Variants in ZC3HAV1 observed in about 807,000 individuals in gnomAD.
ZC3HAV1 encodes the protein zinc finger CCCH-type antiviral protein 1.
In ZC3HAV1, 41 loss-of-function variants were observed where a neutral mutation model predicts 86.6. The observed-to-expected ratio is 0.47, with a 90% CI of 0.37 to 0.61. The LOEUF is 0.61. Among genes scored for constraint, ZC3HAV1 ranks in the 20% least tolerant of loss-of-function variants. ZC3HAV1 has a pLI of 0.00. For missense variants in ZC3HAV1, 964 were observed against 1,141.1 expected, an observed-to-expected ratio of 0.84 and a Z score of 2.24; for synonymous variants, 421 against 432.1, an observed-to-expected ratio of 0.97 and a Z score of 0.32.
intron 3 of ZC3HAV1, among the ~76,000 whole-genome samples, chr7:139,081,913 C>A (rs1817137404): frequency 6.6e-6 from 1 of 152,200 alleles, no homozygotes; most frequent in Non-Finnish European, 1.5e-5. Context: ...TTTCCTACAT[C>A]CACTTCATAA....
In ZC3HAV1 at chr7:139,052,111, TCTTTTTTTC is replaced by T. The variant is rs1353985516; in HGVS notation, c.2449+1331_2449+1339del. On this transcript the variant is annotated intron_variant, in intron 12 of 12. Transcript: ENST00000242351. The stretch of plus-strand genomic sequence containing the variant: ...AAACATTTACATTCATAAATATTTC[TCTTTTTTTC>T]TTTTTTTTTCATTTTATTGTTATTT... Among the ~76,000 whole-genome samples, 6 of 152,120 alleles carry T rather than the reference TCTTTTTTTC, an allele frequency of 3.9e-5. No individual in the cohort carries two copies. In the South Asian group the frequency reaches 1.2e-3, roughly 32 times the overall value.
chr7:139,048,996 C>CATATAATCTA (rs768040763), intron 12 of ZC3HAV1, among the ~76,000 whole-genome samples: 71,792 of 152,084 alleles, frequency 0.47, 17,170 homozygotes, highest in Non-Finnish European at 0.5. Context: ...CATATATGTG[C>CATATAATCTA]ATATGGTGGT....
At chr7:139,076,442 T>C (rs1244530471) in intron 5 of ZC3HAV1, 33 bp from the exon 6 acceptor site, 4 of 1,612,338 alleles carry the variant, frequency 2.5e-6, no homozygotes, top group Admixed American at 1.7e-5. Context: ...TGAGGGACTG[T>C]TGAGCAGGGA....
At chr7:139,057,541 T>TAAAGAAGAAGGTGACTCA (rs1816321288) in intron 9 of ZC3HAV1, among the ~76,000 whole-genome samples, 1,950 of 24,486 alleles carry the variant, frequency 0.08, 334 homozygotes, top group East Asian at 0.13. Context: ...CATTTTTTTT[T>TAAAGAAGAAGGTGACTCA]TTTTTTTTTT....
chr7:139,098,592 G>A (rs761898107), intron 1 of ZC3HAV1, among the ~76,000 whole-genome samples: 5 of 152,092 alleles, frequency 3.3e-5, no homozygotes, highest in South Asian at 2.1e-4. Flanking sequence ...GCTTGAGCTC[G>A]GGAGTTTTAG....
intron 9 of ZC3HAV1, 145 bp downstream of exon 9, chr7:139,060,891 C>G (rs746073329): frequency 6.4e-7 from 1 of 1,569,710 alleles, no homozygotes; most frequent in East Asian, 2.3e-5. Context: ...GCATCTTACT[C>G]ATCGATAATG....
intron 7 of ZC3HAV1, among the ~76,000 whole-genome samples, chr7:139,070,270 C>A (rs1216248078): frequency 6.6e-6 from 1 of 151,772 alleles, no homozygotes; most frequent in African/African-American, 2.4e-5. Context: ...TCTAAAAACT[C>A]CACAGTTTTC....
In ZC3HAV1 at chr7:139,053,528, C is replaced by T. The variant is rs187388789; in HGVS notation, c.2372G>A (p.Arg791His). The T allele has an allele frequency of 2.7e-5, 43 of 1,605,766 alleles. No individual in the cohort carries two copies. The African/African-American group carries it at 4.2e-4, about 16-fold the overall frequency. ...CGAACAGATAGATTCCACATAGGCA[C>T]GGCTTGTCGCATAAAATAGGAGTTT... ...EGKLLFYATSRAYVESICSNN... is the reference protein window; with the variant it reads ...EGKLLFYATSHAYVESICSNN... Residue 791 changes from arginine to histidine, a missense_variant, in exon 12 of 13, where the codon CGT becomes CAT. Physicochemically the swap from Arg to His is conservative, Grantham distance 29. Transcript: ENST00000242351.
intron 9 of ZC3HAV1, among the ~76,000 whole-genome samples, chr7:139,059,159 C>T (rs996614131): frequency 6.6e-6 from 1 of 152,190 alleles, no homozygotes; most frequent in Non-Finnish European, 1.5e-5. Context: ...CAGCCCCTCC[C>T]CATCCTCCTA....
chr7:139,093,906 T>C (rs1034751488), intron 1 of ZC3HAV1, among the ~76,000 whole-genome samples: 12 of 151,782 alleles, frequency 7.9e-5, no homozygotes, highest in African/African-American at 2.9e-4. Context: ...GGCAGAACCT[T>C]CCTTCCGACT....
chr7:139,050,584 G>T (rs1368935761), intron 12 of ZC3HAV1, among the ~76,000 whole-genome samples: 1 of 151,988 alleles, frequency 6.6e-6, no homozygotes, highest in Non-Finnish European at 1.5e-5. Flanking sequence ...TGGTCAGGCT[G>T]GTCTCAAACT....
At position 139,044,213 on chromosome 7, in the gene ZC3HAV1, C is replaced by T. The variant is rs551560660; in HGVS notation, c.*3381G>A. On this transcript the variant is annotated 3_prime_UTR_variant, in exon 13 of 13. Transcript: ENST00000242351. ...ATTTCGCTCTTTCTTTTCCCATATA[C>T]AGATTATGTACATAGTCTGTTTTGT... 2 of 152,298 alleles carry T rather than the reference C, an allele frequency of 1.3e-5. No homozygotes were observed. Among genetic ancestry groups the T allele is most frequent in the African/African-American group, 4.8e-5 (2 of 41,568 alleles). 9.4% of individuals were successfully genotyped at this position (152,298 alleles called of 1,614,324 possible). A position where few individuals can be genotyped will look rare whatever the true frequency, so the allele number is the denominator to read the frequency against.
At position 139,053,509 on chromosome 7, in the gene ZC3HAV1, G is replaced by A. The variant is rs1816195400; in HGVS notation, c.2391C>T (p.Ile797=). 3 of 1,604,930 alleles carry A rather than the reference G, an allele frequency of 1.9e-6. No individual in the cohort carries two copies. The African/African-American group carries it at 4.0e-5, about 22-fold the overall frequency. Residue 797 remains isoleucine, a synonymous_variant, in exon 12 of 13, where the codon ATC becomes ATT. Transcript: ENST00000242351. ...GGAAACTGTCAAAATTATTCGAACAGATAGATTCCACATAGGCACGGCTTG... is the reference window on the plus strand; with the variant it reads ...GGAAACTGTCAAAATTATTCGAACAAATAGATTCCACATAGGCACGGCTTG... The part of the protein sequence containing the change: ...YATSRAYVES[I]CSNNFDSFLH...
chr7:139,095,292 A>G (rs960142118), intron 1 of ZC3HAV1, among the ~76,000 whole-genome samples: 1 of 152,150 alleles, frequency 6.6e-6, no homozygotes, highest in Non-Finnish European at 1.5e-5. Context: ...TCAAGATTAA[A>G]TTGCCGTGTT....
Position 139,109,279 on chromosome 7 carries a change from C to T in ZC3HAV1, c.53G>A (p.Gly18Glu), listed in dbSNP as rs769396100. The change falls in exon 1 of 13, where the codon GGG (glycine) becomes GAG (glutamate). Residue 18 changes from glycine (G) to glutamate (E), a missense_variant. Coordinates refer to ENST00000242351, the MANE Select transcript of ZC3HAV1 (RefSeq NM_020119.4). ...CFITKILCAH[G>E]GRMALDALLQ... Reference sequence around the variant, plus strand: ...CAGCGCGTCCAGGGCCATGCGGCCCCCGTGGGCGCACAGGATTTTGGTGAT... The same window carrying T: ...CAGCGCGTCCAGGGCCATGCGGCCCTCGTGGGCGCACAGGATTTTGGTGAT... 6.2e-7 allele frequency: 1 copy of T among 1,611,328 alleles called. No individual in the cohort carries two copies. Among genetic ancestry groups the T allele is most frequent in the Non-Finnish European group, 8.5e-7 (1 of 1,179,344 alleles).
chr7:139,053,834 A>C, intron 11 of ZC3HAV1, 131 bp downstream of exon 11: 1 of 1,275,138 alleles, frequency 7.8e-7, no homozygotes, highest in Non-Finnish European at 1.0e-6. Flanking sequence ...AATGAAAAAA[A>C]AAAAAAAAGA....
rs1240636967 is a variant in ZC3HAV1, at chr7:139,045,092, C to G, written c.*2502G>C. On this transcript the variant is annotated 3_prime_UTR_variant, in exon 13 of 13. Transcript: ENST00000242351. Reference sequence around the variant, plus strand: ...TTACAGCTGTGCCCAAGTTAGGTACCTTTTATTTCCTCTTTATGTTCATAT... The same window carrying G: ...TTACAGCTGTGCCCAAGTTAGGTACGTTTTATTTCCTCTTTATGTTCATAT... The G allele has an allele frequency of 6.6e-6, 1 of 152,002 alleles. No individual in the cohort carries two copies. Among genetic ancestry groups the G allele is most frequent in the East Asian group, 1.9e-4 (1 of 5,196 alleles). 9.4% of individuals were successfully genotyped at this position (152,002 alleles called of 1,614,324 possible). A position where few individuals can be genotyped will look rare whatever the true frequency, so the allele number is the denominator to read the frequency against.
In ZC3HAV1 at chr7:139,073,905, A is replaced by G; in HGVS notation, c.1823T>C (p.Ile608Thr). ...GCCAGATTCATTCTTCCAATACCAA[A>G]TCCATTTGGTGGTGAAGACAGAATT... ...PANSVFTTKW[I>T]WYWKNESGTW... The change falls in exon 7 of 13, where the codon ATT (isoleucine) becomes ACT (threonine). Residue 608 changes from isoleucine (I) to threonine (T), a missense_variant. Coordinates refer to ENST00000242351, the MANE Select transcript of ZC3HAV1 (RefSeq NM_020119.4). The G allele has an allele frequency of 6.2e-7, 1 of 1,613,808 alleles. No individual in the cohort carries two copies.
chr7:139,055,269 A>G lies in ZC3HAV1; in HGVS notation c.2123T>C (p.Val708Ala). The change falls in exon 10 of 13, where the codon GTG (valine) becomes GCG (alanine). Residue 708 changes from valine (V) to alanine (A), a missense_variant. Coordinates refer to ENST00000242351, the MANE Select transcript of ZC3HAV1 (RefSeq NM_020119.4). ...PDHQPAKTSS[V>A]SLTATFRPQE... The stretch of plus-strand genomic sequence containing the variant: ...AGGACGAAAGGTCGCAGTTAAAGAC[A>G]CTGACGAGGTCTTTGCTGGCTGATG... 2 of 1,613,360 alleles carry G rather than the reference A, an allele frequency of 1.2e-6. No homozygotes were observed. The highest frequency in any genetic ancestry group is 1.7e-6 in the Non-Finnish European group (2 of 1,179,516).
Sources: gnomAD v4.1 joint callset for allele counts (sites outside exome capture counted in the v4.1 genomes callset) on GRCh38, gnomAD v4.1.1 for gene constraint, MANE v1.5 for transcripts, NCBI Gene and HGNC (gene_info 2026-07-23, HGNC 2026-07-21) for gene names.